The following GALNT17 variants were observed in gnomAD, a reference collection of about 807,000 sequenced individuals.
The protein encoded by GALNT17 is polypeptide N-acetylgalactosaminyltransferase 17, also known as UDP-GalNAc:polypeptide N-acetylgalactosaminyltransferase-like 3.
Under a neutral mutation model 63.7 loss-of-function variants are expected in GALNT17, and 29 were observed. The observed-to-expected ratio is 0.46, with a 90% confidence interval of 0.34 to 0.62. GALNT17 has a LOEUF of 0.62. GALNT17 is among the 20% of genes least tolerant of loss of function. The probability of loss-of-function intolerance (pLI) is 0.01; values close to 1 mark genes in which losing one functional copy is unlikely to be tolerated. For synonymous variants in GALNT17, 305 were observed against 318.3 expected (o/e 0.96, Z 0.45); for missense variants, 603 against 799.6 (o/e 0.75, Z 2.97).
intron 1 of GALNT17, among the ~76,000 whole-genome samples, chr7:71,305,388 G>C (rs911087366): frequency 1.3e-5 from 2 of 152,130 alleles, no homozygotes; most frequent in African/African-American, 2.4e-5. Context: ...CCAGCTGCAG[G>C]CTAAAGCACC....
At chr7:71,691,270 T>C (rs1018675177) in intron 9 of GALNT17, among the ~76,000 whole-genome samples, 8 of 152,232 alleles carry the variant, frequency 5.3e-5, no homozygotes, top group African/African-American at 1.9e-4. Flanking sequence ...TACTGAAGGC[T>C]CAGATGATCA....
intron 5 of GALNT17, among the ~76,000 whole-genome samples, chr7:71,493,014 A>T (rs1303055290): frequency 6.6e-6 from 1 of 152,166 alleles, no homozygotes; most frequent in Non-Finnish European, 1.5e-5. Context: ...AAAATAAAGA[A>T]CTATTTTAGT....
rs1418961158 is a variant in GALNT17 at position 71,701,879 on chromosome 7, A to ATG, written c.1501-8880_1501-8879dup. On this transcript the variant is annotated intron_variant, in intron 9 of 10. Coordinates refer to ENST00000333538, the MANE Select transcript of GALNT17 (RefSeq NM_022479.3). ...TACACATATATATATACATATATAT[A>ATG]TGTATATATATATATACACATATAT... Among the ~76,000 whole-genome samples the ATG allele has an allele frequency of 1.3e-3, 106 of 82,066 alleles. 2 individuals are homozygous for ATG. In the East Asian group the frequency reaches 0.014, roughly 11 times the overall value. The allele number at this position is 82,066 out of a possible 152,430, so 53.8% of individuals were successfully genotyped here.
At chr7:71,281,343 AT>A (rs1380398681) in intron 1 of GALNT17, among the ~76,000 whole-genome samples, 1 of 152,110 alleles carries the variant, frequency 6.6e-6, no homozygotes, top group African/African-American at 2.4e-5. Flanking sequence ...TGTTTCTATA[AT>A]TTTTTTAAAG....
At chr7:71,690,012 T>C (rs921398299) in intron 9 of GALNT17, among the ~76,000 whole-genome samples, 1 of 147,612 alleles carries the variant, frequency 6.8e-6, no homozygotes, top group African/African-American at 2.5e-5. Context: ...CATGGTTTAC[T>C]GAATATCTTT....
intron 2 of GALNT17, among the ~76,000 whole-genome samples, chr7:71,360,503 C>A (rs756506364): frequency 6.6e-6 from 1 of 152,178 alleles, no homozygotes; most frequent in African/African-American, 2.4e-5. Context: ...ATACAAGCCA[C>A]GACAAACTGG....
intron 1 of GALNT17, among the ~76,000 whole-genome samples, chr7:71,148,735 T>C (rs549660316): frequency 1.4e-4 from 21 of 151,922 alleles, no homozygotes; most frequent in Non-Finnish European, 2.2e-4. Context: ...AGTTATCTTA[T>C]GATCAGTGAC....
intron 5 of GALNT17, among the ~76,000 whole-genome samples, chr7:71,480,638 C>T (rs1451541497): frequency 6.6e-6 from 1 of 152,192 alleles, no homozygotes; most frequent in Non-Finnish European, 1.5e-5. Context: ...TCCCGAGTAG[C>T]TGGGATTACA....
chr7:71,681,050 C>A (rs1791254296), intron 9 of GALNT17, among the ~76,000 whole-genome samples: 1 of 152,080 alleles, frequency 6.6e-6, no homozygotes, highest in African/African-American at 2.4e-5. Context: ...AAGGCAGATG[C>A]CACCATGTTC....
intron 2 of GALNT17, among the ~76,000 whole-genome samples, chr7:71,347,037 C>T (rs910920934): frequency 1.3e-5 from 2 of 152,010 alleles, no homozygotes; most frequent in African/African-American, 4.8e-5. Context: ...ACGTTATTTG[C>T]TAACGCAGGT....
intron 5 of GALNT17, among the ~76,000 whole-genome samples, chr7:71,540,119 TTTTTTTTTTG>T (rs1788865457): frequency 8.7e-6 from 1 of 115,568 alleles, no homozygotes; most frequent in Non-Finnish European, 1.8e-5. Context: ...TTTTTTTTTT[TTTTTTTTTTG>T]ATGGAGTCTC....
chr7:71,668,328 C>G (rs1479031450), intron 7 of GALNT17, among the ~76,000 whole-genome samples: 1 of 151,854 alleles, frequency 6.6e-6, no homozygotes, highest in Non-Finnish European at 1.5e-5. Flanking sequence ...ACCAGCCTGA[C>G]CAACATGGAG....
chr7:71,189,798 G>A (rs1024784429), intron 1 of GALNT17, among the ~76,000 whole-genome samples: 3 of 147,970 alleles, frequency 2.0e-5, no homozygotes, highest in Non-Finnish European at 3.0e-5. Flanking sequence ...CATAAAATAA[G>A]CAAGAACCAT....
chr7:71,351,800 G>A (rs886965434), intron 2 of GALNT17, among the ~76,000 whole-genome samples: 3 of 152,148 alleles, frequency 2.0e-5, no homozygotes, highest in Non-Finnish European at 4.4e-5. Context: ...CTTTGCTATG[G>A]CAGCCTAGGG....
intron 2 of GALNT17, among the ~76,000 whole-genome samples, chr7:71,342,590 G>A (rs758862975): frequency 1.3e-5 from 2 of 152,162 alleles, no homozygotes; most frequent in Non-Finnish European, 2.9e-5. Context: ...ATACTCTGTA[G>A]CTCAGCTCTG....
chr7:71,234,158 A>C (rs1373619053), intron 1 of GALNT17, among the ~76,000 whole-genome samples: 2 of 152,226 alleles, frequency 1.3e-5, no homozygotes, highest in African/African-American at 2.4e-5. Context: ...TGGGTGGTTT[A>C]GCACAACCAA....
At chr7:71,692,143 C>T (rs527267994) in intron 9 of GALNT17, among the ~76,000 whole-genome samples, 2 of 152,206 alleles carry the variant, frequency 1.3e-5, no homozygotes, top group South Asian at 4.1e-4. Context: ...AAGCTGGTCT[C>T]AAACTCCTGG....
rs1238228843 is a variant in GALNT17 at position 71,417,183 on chromosome 7, A to G, written c.764+1120A>G. On this transcript the variant is annotated intron_variant, in intron 4 of 10. Transcript: ENST00000333538. ...TTGAGTAAGTGTTGTTCACTGTACT[A>G]GATTTGAAGAACCAATATCCCATCA... is the stretch of plus-strand genomic sequence containing the variant. 2.6e-5 allele frequency among the ~76,000 whole-genome samples: 4 copies of G among 152,318 alleles called. No homozygotes were observed. The East Asian group carries it at 7.7e-4, about 29-fold the overall frequency.
At chr7:71,489,576 T>G (rs558497031) in intron 5 of GALNT17, among the ~76,000 whole-genome samples, 5 of 152,352 alleles carry the variant, frequency 3.3e-5, no homozygotes, top group African/African-American at 1.2e-4. Flanking sequence ...ACTGTTGTGC[T>G]GAACCCCTAT....
Sources: gnomAD v4.1 joint callset for allele counts (sites outside exome capture counted in the v4.1 genomes callset) on GRCh38, gnomAD v4.1.1 for gene constraint, MANE v1.5 for transcripts, NCBI Gene and HGNC (gene_info 2026-07-23, HGNC 2026-07-21) for gene names.